The following ABTB3 variants were observed in gnomAD, a reference collection of about 807,000 sequenced individuals.
The protein encoded by ABTB3 is ankyrin repeat and BTB domain containing 3, also known as ankyrin repeat- and BTB/POZ domain-containing protein 3.
chr12:107,656,297 T>C, the ABTB3 span, among the ~76,000 whole-genome samples: 1 of 100,774 alleles, frequency 9.9e-6, no homozygotes, highest in African/African-American at 4.3e-5. Flanking sequence ...TGAGGCTCTG[T>C]CAAAAAAAAA....
At chr12:107,621,764 G>C in the ABTB3 span, among the ~76,000 whole-genome samples, 49 of 152,234 alleles carry the variant, frequency 3.2e-4, no homozygotes, top group South Asian at 5.6e-3. Flanking sequence ...CCACTCTCCC[G>C]ACATCTAACA....
At chr12:107,493,875 C>A in the ABTB3 span, among the ~76,000 whole-genome samples, 1 of 151,992 alleles carries the variant, frequency 6.6e-6, no homozygotes, top group Non-Finnish European at 1.5e-5. Context: ...AAGCCTGGAG[C>A]AGATTCCTTC....
At chr12:107,454,441 G>T in the ABTB3 span, among the ~76,000 whole-genome samples, 1 of 152,158 alleles carries the variant, frequency 6.6e-6, no homozygotes, top group African/African-American at 2.4e-5. Flanking sequence ...TAAGGGTTAG[G>T]GGGGTTCATC....
chr12:107,584,687 G>C, the ABTB3 span, among the ~76,000 whole-genome samples: 2 of 152,214 alleles, frequency 1.3e-5, no homozygotes, highest in Non-Finnish European at 1.5e-5. Context: ...TTCCTGGTGG[G>C]AGGCAGCCTG....
the ABTB3 span, among the ~76,000 whole-genome samples, chr12:107,468,225 C>G: frequency 2.0e-5 from 3 of 152,120 alleles, no homozygotes; most frequent in Non-Finnish European, 4.4e-5. Context: ...ATCTGAAGAC[C>G]AAGCACTCCC....
At chr12:107,325,927 T>C in the ABTB3 span, among the ~76,000 whole-genome samples, 4 of 152,322 alleles carry the variant, frequency 2.6e-5, no homozygotes, top group Middle Eastern at 3.4e-3. Flanking sequence ...ATTATTGAGA[T>C]GGAGTTTTGC....
chr12:107,484,452 C>G, the ABTB3 span, among the ~76,000 whole-genome samples: 1 of 152,252 alleles, frequency 6.6e-6, no homozygotes, highest in African/African-American at 2.4e-5. Context: ...GACTAGGATG[C>G]GTCAGGCAGA....
At chr12:107,415,104 C>T in the ABTB3 span, among the ~76,000 whole-genome samples, 3 of 152,252 alleles carry the variant, frequency 2.0e-5, no homozygotes, top group South Asian at 2.1e-4. Flanking sequence ...GGGACACGCA[C>T]GATCTGTTTC....
the ABTB3 span, among the ~76,000 whole-genome samples, chr12:107,379,310 A>G: frequency 0.022 from 3,365 of 152,184 alleles, 84 homozygotes; most frequent in African/African-American, 0.062. Context: ...CTAGAATTGT[A>G]GCTCCCATAA....
At chr12:107,410,157 A>C in the ABTB3 span, among the ~76,000 whole-genome samples, 1 of 150,818 alleles carries the variant, frequency 6.6e-6, no homozygotes, top group Admixed American at 6.6e-5. Context: ...AATGAGAGCC[A>C]CTCAGGGCAC....
chr12:107,363,419 A>G, the ABTB3 span, among the ~76,000 whole-genome samples: 1 of 152,252 alleles, frequency 6.6e-6, no homozygotes, highest in African/African-American at 2.4e-5. Flanking sequence ...TAATTTAGGG[A>G]GAAAACAATG....
chr12:107,519,310 TTC>T, the ABTB3 span, among the ~76,000 whole-genome samples: 4 of 148,932 alleles, frequency 2.7e-5, no homozygotes, highest in Non-Finnish European at 5.9e-5. Flanking sequence ...CTTTTTTCTT[TTC>T]TTTTCTTTTT....
chr12:107,484,621 C>G, the ABTB3 span, among the ~76,000 whole-genome samples: 5,525 of 147,796 alleles, frequency 0.037, 138 homozygotes, highest in South Asian at 0.092. Context: ...TTAATAGAAT[C>G]ACTCTGGTTG....
chr12:107,493,517 GCCTGGCATT>G, the ABTB3 span, among the ~76,000 whole-genome samples: 1 of 152,166 alleles, frequency 6.6e-6, no homozygotes, highest in Non-Finnish European at 1.5e-5. Flanking sequence ...AAAGAAAAGG[GCCTGGCATT>G]TCTTGAGGAC....
At chr12:107,452,442 G>A in the ABTB3 span, among the ~76,000 whole-genome samples, 1 of 151,928 alleles carries the variant, frequency 6.6e-6, no homozygotes, top group Non-Finnish European at 1.5e-5. Context: ...TCCTGACTTC[G>A]TGATCCGCCT....
At chr12:107,356,441 A>G in the ABTB3 span, among the ~76,000 whole-genome samples, 4 of 152,162 alleles carry the variant, frequency 2.6e-5, no homozygotes, top group African/African-American at 9.7e-5. Context: ...GCACCGCAGG[A>G]GCAGAGTACT....
the ABTB3 span, among the ~76,000 whole-genome samples, chr12:107,362,230 G>A: frequency 6.6e-6 from 1 of 152,216 alleles, no homozygotes; most frequent in East Asian, 1.9e-4. Flanking sequence ...AGCTGTGCTA[G>A]GAAACTGCAG....
chr12:107,385,570 T>G, the ABTB3 span, among the ~76,000 whole-genome samples: 26 of 152,112 alleles, frequency 1.7e-4, no homozygotes, highest in Non-Finnish European at 3.5e-4. Context: ...TGGGGTGAGG[T>G]TCCGAGAAGC....
chr12:107,318,630 G>T, the ABTB3 span: 1 of 320,148 alleles, frequency 3.1e-6, no homozygotes, highest in Non-Finnish European at 5.8e-6. Flanking sequence ...GGGAAGAGCG[G>T]TCTAGACACT....
Sources: allele counts gnomAD v4.1 joint callset (sites outside exome capture counted in the v4.1 genomes callset), GRCh38; gene constraint gnomAD v4.1.1; transcripts MANE v1.5; gene names NCBI Gene and HGNC (gene_info 2026-07-23, HGNC 2026-07-21).